SUN1: variants seen among roughly 807,000 people sequenced by gnomAD.
SUN1 encodes the protein SUN domain-containing protein 1.
SUN1 carries 61 observed loss-of-function variants against 103.2 expected under a neutral mutation model. That is an observed-to-expected ratio of 0.59 (90% CI 0.48 to 0.73). The LOEUF is 0.73. Ranked by LOEUF, SUN1 falls within the 30% of genes least tolerant of loss-of-function variation. The pLI is 0.00. For synonymous variants in SUN1, 490 were observed against 425.7 expected, an observed-to-expected ratio of 1.15 and a Z score of -1.86; for missense variants, 1,052 against 1,034.6, an observed-to-expected ratio of 1.02 and a Z score of -0.23.
chr7:851,148 G>A (rs1821714552), intron 5 of SUN1: 1 of 340,568 alleles, frequency 2.9e-6, no homozygotes, highest in Admixed American at 4.0e-5. Flanking sequence ...AGTATCTGCA[G>A]GCAGAAGTGA....
At chr7:816,501 G>A (rs1780542537), upstream of SUN1, 1 of 260,144 alleles carries the variant, frequency 3.8e-6, no homozygotes, top group South Asian at 2.8e-5. Context: ...CCCGCGGCCC[G>A]TAGCCGCCTC....
At chr7:837,380 G>A (rs565753190) in intron 1 of SUN1, among the ~76,000 whole-genome samples, 1 of 152,322 alleles carries the variant, frequency 6.6e-6, no homozygotes, top group Non-Finnish European at 1.5e-5. Context: ...TGCCTTTGTC[G>A]GGCAGGTGCT....
intron 2 of SUN1, among the ~76,000 whole-genome samples, chr7:839,949 A>G (rs1364665208): frequency 6.6e-6 from 1 of 152,218 alleles, no homozygotes; most frequent in Non-Finnish European, 1.5e-5. Context: ...CGTCGAGTTC[A>G]TTTGATCTCT....
In SUN1 at chr7:843,193, T is replaced by G. The variant is rs1562623023; in HGVS notation, c.452-13T>G. On this transcript the variant is annotated splice_polypyrimidine_tract_variant and intron_variant, in intron 3 of 18. Transcript: ENST00000401592. ...CAGCAAAAATGTGTGTGTGTGTGTG[T>G]TTTTTTTTTTAGGTCTTGATGATGA... is the stretch of plus-strand genomic sequence containing the variant. 1.4e-5 allele frequency: 7 copies of G among 517,604 alleles called. No individual in the cohort carries two copies. Among genetic ancestry groups the G allele is most frequent in the South Asian group, 3.6e-5 (1 of 27,510 alleles). The allele number at this position is 517,604 out of a possible 1,614,324, so 32.1% of individuals were successfully genotyped here. A position where few individuals can be genotyped will look rare whatever the true frequency, so the allele number is the denominator to read the frequency against.
chr7:863,872 A>T (rs1395365634), intron 15 of SUN1, among the ~76,000 whole-genome samples: 2 of 152,224 alleles, frequency 1.3e-5, no homozygotes, highest in Non-Finnish European at 2.9e-5. Flanking sequence ...AGTAAGTAAA[A>T]ATTGTGTGTC....
chr7:874,899 A>C lies in SUN1; in HGVS notation c.*1568A>C, dbSNP rs540166850. On this transcript the variant is annotated 3_prime_UTR_variant, in exon 19 of 19. Coordinates refer to ENST00000401592, the MANE Select transcript of SUN1 (RefSeq NM_001130965.3). Reference sequence around the variant, plus strand: ...TAAATAAAGAGTTTTAATTTTTAAAAGGGCATGGGATATAAACAGTCTATT... The same window carrying C: ...TAAATAAAGAGTTTTAATTTTTAAACGGGCATGGGATATAAACAGTCTATT... 1 of 152,382 alleles carries C rather than the reference A, an allele frequency of 6.6e-6. No homozygotes were observed. Among genetic ancestry groups the C allele is most frequent in the East Asian group, 1.9e-4 (1 of 5,192 alleles). The allele number at this position is 152,382 out of a possible 1,614,324, so 9.4% of individuals were successfully genotyped here. A position where few individuals can be genotyped will look rare whatever the true frequency, so the allele number is the denominator to read the frequency against.
intron 1 of SUN1, among the ~76,000 whole-genome samples, chr7:834,931 C>T (rs1040894369): frequency 3.3e-5 from 5 of 152,102 alleles, no homozygotes; most frequent in African/African-American, 9.7e-5. Flanking sequence ...CAAAAATTAG[C>T]TGGGTGTGGT....
chr7:839,312 C>G (rs891492368), intron 2 of SUN1: 1 of 275,222 alleles, frequency 3.6e-6, no homozygotes, highest in Non-Finnish European at 6.8e-6. Flanking sequence ...TCAGCTACAG[C>G]TGTCCTACCA....
At chr7:836,013 G>C (rs1355347678) in intron 1 of SUN1, among the ~76,000 whole-genome samples, 2 of 152,284 alleles carry the variant, frequency 1.3e-5, no homozygotes, top group African/African-American at 4.8e-5. Flanking sequence ...AGCCATGGAG[G>C]CCGGGGGGCC....
chr7:871,083 G>C (rs1235257206), intron 17 of SUN1, among the ~76,000 whole-genome samples: 1 of 151,702 alleles, frequency 6.6e-6, no homozygotes, highest in African/African-American at 2.4e-5. Context: ...TAGAGACGGG[G>C]TTTCTCCTTG....
intron 2 of SUN1, among the ~76,000 whole-genome samples, chr7:841,176 G>T (rs997696937): frequency 1.3e-5 from 2 of 150,188 alleles, no homozygotes; most frequent in Admixed American, 1.3e-4. Context: ...CAGGTGATCC[G>T]CCTGCCCCAG....
At chr7:830,988 C>G, upstream of SUN1, 1 of 985,500 alleles carries the variant, frequency 1.0e-6, no homozygotes, top group Non-Finnish European at 1.2e-6. Flanking sequence ...GGGTAGCCTA[C>G]ATTGGATCCA....
At chr7:830,230 C>T (rs913834049), upstream of SUN1, among the ~76,000 whole-genome samples, 6 of 152,142 alleles carry the variant, frequency 3.9e-5, no homozygotes, top group African/African-American at 7.2e-5. Flanking sequence ...GCCTTGGGGA[C>T]GCTGGGGCAC....
chr7:834,912 C>A (rs912013753), intron 1 of SUN1, among the ~76,000 whole-genome samples: 2 of 152,054 alleles, frequency 1.3e-5, no homozygotes, highest in Admixed American at 1.3e-4. Context: ...CCCGTCTCTA[C>A]TAAAAATACA....
Position 860,194 on chromosome 7 carries a change from G to T in SUN1, c.1591G>T (p.Glu531Ter), listed in dbSNP as rs200847401. 6.2e-7 allele frequency: 1 copy of T among 1,614,226 alleles called. No individual in the cohort carries two copies. Among genetic ancestry groups the T allele is most frequent in the Non-Finnish European group, 8.5e-7 (1 of 1,180,044 alleles). Residue 531 changes from glutamate to a stop codon, truncating the protein, a stop_gained, in exon 14 of 19, where the codon GAA becomes TAA. Transcript: ENST00000401592. LOFTEE classifies it high-confidence loss of function. Reference protein sequence around the residue: ...FSEDQQGGSLEQLLQRFSSQF... With the variant: ...FSEDQQGGSL ...CGAAGATCAGCAAGGCGGTTCTCTG[G>T]AACAGCTGCTGCAGAGGTTCTCATC...
rs572244708 is a variant in SUN1, at chr7:854,524, C to T, written c.1264-396C>T. 5.7e-3 allele frequency among the ~76,000 whole-genome samples: 871 copies of T among 152,368 alleles called. 3 individuals carry two copies. Among genetic ancestry groups the T allele is most frequent in the South Asian group, 0.022 (104 of 4,830 alleles). On this transcript the variant is annotated intron_variant, in intron 10 of 18. Transcript: ENST00000401592. Reference sequence around the variant, plus strand: ...TGGACAGCACAGATGCAGCACGTCCCACGATGGCCCGAGGGGCGCTGGATG... The same window carrying T: ...TGGACAGCACAGATGCAGCACGTCCTACGATGGCCCGAGGGGCGCTGGATG...
Position 838,907 on chromosome 7 carries a change from T to C in SUN1, c.187T>C (p.Cys63Arg). The part of the protein sequence containing the change: ...RRSLRLATTA[C>R]TLGDGEAVGA... ...TAGTTTGCGCCTGGCCACGACAGCA[T>C]GCACCCTGGGGGATGGTGAGGCTGT... is the stretch of plus-strand genomic sequence containing the variant. The change falls in exon 2 of 19, where the codon TGC (cysteine) becomes CGC (arginine). Residue 63 changes from cysteine (C) to arginine (R), a missense_variant. By Grantham distance (180) the Cys-to-Arg change is radical (BLOSUM62 -3). Coordinates refer to ENST00000401592, the MANE Select transcript of SUN1 (RefSeq NM_001130965.3). The C allele has an allele frequency of 6.2e-7, 1 of 1,611,616 alleles. No individual in the cohort carries two copies.
At chr7:827,618 C>T (rs569634936), upstream of SUN1, among the ~76,000 whole-genome samples, 2 of 150,866 alleles carry the variant, frequency 1.3e-5, no homozygotes, top group South Asian at 2.1e-4. Flanking sequence ...TACAGGTGCC[C>T]GCCACCACGC....
chr7:835,332 C>T (rs1802036297), intron 1 of SUN1, among the ~76,000 whole-genome samples: 1 of 152,194 alleles, frequency 6.6e-6, no homozygotes, highest in African/African-American at 2.4e-5. Flanking sequence ...CTCAACTTCC[C>T]CTGGAACTTC....
Sources: allele counts gnomAD v4.1 joint callset (sites outside exome capture counted in the v4.1 genomes callset), GRCh38; gene constraint gnomAD v4.1.1; transcripts MANE v1.5; gene names NCBI Gene and HGNC (gene_info 2026-07-23, HGNC 2026-07-21).